Variants in RASA2 observed in about 807,000 individuals in gnomAD.
The protein encoded by RASA2 is ras GTPase-activating protein 2.
RASA2 carries 155 observed loss-of-function variants against 118.2 expected under a neutral mutation model. The observed-to-expected ratio is 1.31, with a 90% confidence interval of 1.15 to 1.50. The LOEUF (loss-of-function observed/expected upper bound fraction) is 1.50. Ranked by LOEUF, RASA2 falls within the 40% of genes most tolerant of loss-of-function variation. RASA2 has a pLI of 0.00. For missense variants in RASA2, 1,016 were observed against 1,009.6 expected, an observed-to-expected ratio of 1.01 and a Z score of -0.09; for synonymous variants, 353 against 349.1, an observed-to-expected ratio of 1.01 and a Z score of -0.12.
intron 20 of RASA2, among the ~76,000 whole-genome samples, 158 bp downstream of exon 20, chr3:141,607,918 A>G (rs1452244865): frequency 6.6e-6 from 1 of 152,180 alleles, no homozygotes; most frequent in African/African-American, 2.4e-5. Context: ...ATTGTTTACT[A>G]TTAATCATTA....
chr3:141,589,902 T>G (rs1408685781), intron 19 of RASA2, among the ~76,000 whole-genome samples: 1 of 152,058 alleles, frequency 6.6e-6, no homozygotes, highest in African/African-American at 2.4e-5. Context: ...AGGACAAAAT[T>G]CTCTAGAATG....
chr3:141,537,435 A>G (rs547104757), intron 4 of RASA2, among the ~76,000 whole-genome samples: 1 of 152,128 alleles, frequency 6.6e-6, no homozygotes, highest in South Asian at 2.1e-4. Flanking sequence ...GTTTCCAGGT[A>G]TCTGCTGGAT....
intron 19 of RASA2, among the ~76,000 whole-genome samples, chr3:141,606,824 C>T (rs1459331794): frequency 6.6e-6 from 1 of 152,120 alleles, no homozygotes; most frequent in Admixed American, 6.6e-5. Context: ...TTCTTAACCT[C>T]CAGCACTTCA....
At position 141,573,965 on chromosome 3, in the gene RASA2, G is replaced by T; in HGVS notation, c.1381G>T (p.Asp461Tyr). ...NNKENLRYYVDKLFNTIVKSS... is the reference protein window; with the variant it reads ...NNKENLRYYVYKLFNTIVKSS... The stretch of plus-strand genomic sequence containing the variant: ...GCAGGAGAATCTGCGCTACTATGTA[G>T]ACAAGTTATTCAATACAATTGTAAA... Residue 461 changes from aspartate (D) to tyrosine (Y), a missense_variant, in exon 14 of 24, where the codon GAC becomes TAC. Physicochemically the swap from Asp to Tyr is radical, Grantham distance 160 (BLOSUM62 -3). Around this residue, in one of 2 missense-constraint regions of RASA2, gnomAD observed 896 missense variants for 836.4 expected, o/e 1.07. Transcript: ENST00000286364. 1.3e-6 allele frequency: 2 copies of T among 1,587,588 alleles called. No individual in the cohort carries two copies. The highest frequency in any genetic ancestry group is 1.7e-6 in the Non-Finnish European group (2 of 1,164,004).
intron 8 of RASA2, 89 bp from the exon 9 acceptor site, chr3:141,559,805 A>G (rs1439528847): frequency 3.8e-6 from 4 of 1,051,500 alleles, no homozygotes; most frequent in African/African-American, 1.6e-5. Context: ...TAATGCTGTA[A>G]TACAGATCAA....
intron 1 of RASA2, among the ~76,000 whole-genome samples, chr3:141,493,801 A>G (rs757626718): frequency 2.2e-4 from 34 of 152,188 alleles, no homozygotes; most frequent in Non-Finnish European, 4.4e-4. Flanking sequence ...CCCAAGAAGC[A>G]AGCATTACCA....
At position 141,613,331 on chromosome 3, in the gene RASA2, TA is replaced by T. The variant is rs544164211; in HGVS notation, c.*1023del. ...CAGTTGAATGATCAGTGTTTAAGTC[TA>T]AAAATAATGCTTTCCTGAAAATGTT... On this transcript the variant is annotated 3_prime_UTR_variant, in exon 24 of 24. Transcript: ENST00000286364. The T allele has an allele frequency of 1.1e-4, 16 of 152,330 alleles. No homozygotes were observed. In the South Asian group the frequency reaches 1.9e-3, roughly 18 times the overall value. The allele number at this position is 152,330 out of a possible 1,614,324, so 9.4% of individuals were successfully genotyped here. A position where few individuals can be genotyped will look rare whatever the true frequency, so the allele number is the denominator to read the frequency against.
At chr3:141,547,495 A>G (rs78575557) in intron 5 of RASA2, among the ~76,000 whole-genome samples, 10,882 of 152,116 alleles carry the variant, frequency 0.072, 757 homozygotes, top group East Asian at 0.24. Context: ...TTATTTTTCA[A>G]ATTGTTCACT....
chr3:141,556,973 C>T (rs546481943), intron 7 of RASA2, among the ~76,000 whole-genome samples: 3 of 152,118 alleles, frequency 2.0e-5, no homozygotes, highest in East Asian at 3.9e-4. Context: ...AGTTGTTCTA[C>T]GTTTATTAAT....
Position 141,487,057 on chromosome 3 carries a change from G to C in RASA2, c.-27G>C. ...GCCTCGCCCGGCTACGCAGGCGGCA[G>C]GGCTGCGGCACGGGCCGGGCGGCAC... On this transcript the variant is annotated 5_prime_UTR_variant, in exon 1 of 24. Transcript: ENST00000286364. 1.6e-6 allele frequency: 2 copies of C among 1,238,642 alleles called. No individual in the cohort carries two copies. The highest frequency in any genetic ancestry group is 3.8e-5 in the East Asian group (1 of 26,284). 76.7% of individuals were successfully genotyped at this position (1,238,642 alleles called of 1,614,324 possible).
Position 141,516,397 on chromosome 3 carries a change from T to C in RASA2, c.321T>C (p.Tyr107=). 2 of 1,559,918 alleles carry C rather than the reference T, an allele frequency of 1.3e-6. No homozygotes were observed. The highest frequency in any genetic ancestry group is 1.7e-6 in the Non-Finnish European group (2 of 1,153,880). ...RTFQYLSFYV[Y]DKNVLQRDLR... is the part of the protein sequence containing the mutation. ...TCCAGTATTTGTCTTTCTATGTTTATGATAAGAATGTTTTACAAAGAGATC... is the reference window on the plus strand; with the variant it reads ...TCCAGTATTTGTCTTTCTATGTTTACGATAAGAATGTTTTACAAAGAGATC... The change falls in exon 3 of 24, where the codon TAT becomes TAC. Residue 107 remains tyrosine (Y), a synonymous_variant. Transcript: ENST00000286364.
chr3:141,571,297 G>T, intron 10 of RASA2, 109 bp from the exon 11 acceptor site: 2 of 1,445,682 alleles, frequency 1.4e-6, no homozygotes, highest in South Asian at 1.4e-5. Context: ...TAAATGTCCT[G>T]TATAACAGCT....
chr3:141,557,582 G>A (rs1577731721), intron 7 of RASA2, among the ~76,000 whole-genome samples: 1 of 152,180 alleles, frequency 6.6e-6, no homozygotes, highest in East Asian at 1.9e-4. Flanking sequence ...TGGTGCTTAA[G>A]TAAATGATTT....
intron 5 of RASA2, among the ~76,000 whole-genome samples, chr3:141,549,472 AGTGT>A (rs796833839): frequency 3.0e-5 from 4 of 134,846 alleles, no homozygotes; most frequent in South Asian, 2.5e-4. Flanking sequence ...AGTGTGTATG[AGTGT>A]GTGTGTGCGT....
At chr3:141,562,563 C>T (rs1236997835) in intron 9 of RASA2, among the ~76,000 whole-genome samples, 1 of 4,086 alleles carries the variant, frequency 2.4e-4, no homozygotes, top group Non-Finnish European at 4.5e-4. Flanking sequence ...CGGGAGCTTA[C>T]AGTAAGCTGA....
At chr3:141,510,169 A>C (rs1179716943) in intron 1 of RASA2, among the ~76,000 whole-genome samples, 3 of 152,198 alleles carry the variant, frequency 2.0e-5, no homozygotes, top group Admixed American at 6.5e-5. Context: ...TCTAGTCCAA[A>C]CCTTCATCAG....
rs531627582 is a variant in RASA2 at position 141,521,376 on chromosome 3, G to A, written c.355+4945G>A. 1.1e-3 allele frequency among the ~76,000 whole-genome samples: 169 copies of A among 152,264 alleles called. 1 individual carries two copies. Among genetic ancestry groups the A allele is most frequent in the Non-Finnish European group, 1.7e-3 (117 of 68,002 alleles). On this transcript the variant is annotated intron_variant, in intron 3 of 23. Coordinates refer to ENST00000286364, the MANE Select transcript of RASA2 (RefSeq NM_006506.5). Reference sequence around the variant, plus strand: ...TTTTAATGTCAGCAACTAGAGAAAGGTGGAGTCAGATAAGGATTGATAGAG... The same window carrying A: ...TTTTAATGTCAGCAACTAGAGAAAGATGGAGTCAGATAAGGATTGATAGAG...
chr3:141,553,138 G>T (rs1000269362), intron 5 of RASA2, among the ~76,000 whole-genome samples: 8 of 152,170 alleles, frequency 5.3e-5, no homozygotes, highest in African/African-American at 1.9e-4. Context: ...AGAATTGTGT[G>T]AAGCTTGCCC....
At chr3:141,541,816 T>G (rs892449184) in intron 5 of RASA2, among the ~76,000 whole-genome samples, 1 of 152,108 alleles carries the variant, frequency 6.6e-6, no homozygotes, top group African/African-American at 2.4e-5. Flanking sequence ...AAACCAGTTT[T>G]TTTTTTTTTA....
Sources: allele counts gnomAD v4.1 joint callset (sites outside exome capture counted in the v4.1 genomes callset), GRCh38; gene constraint gnomAD v4.1.1; regional missense constraint gnomAD v4.1.1; transcripts MANE v1.5; gene names NCBI Gene and HGNC (gene_info 2026-07-23, HGNC 2026-07-21).